The following LMNTD2 variants were observed in gnomAD, a reference collection of about 807,000 sequenced individuals.
The protein encoded by LMNTD2 is lamin tail domain containing 2, also known as lamin tail domain-containing protein 2.
LMNTD2 carries 83 observed loss-of-function variants against 70.1 expected under a neutral mutation model. That is an observed-to-expected ratio of 1.18 (90% CI 0.99 to 1.42). The LOEUF (loss-of-function observed/expected upper bound fraction) is 1.42, where lower values mean the gene tolerates loss of function less well. Ranked by LOEUF, LMNTD2 falls within the 40% of genes most tolerant of loss-of-function variation. LMNTD2 has a pLI of 0.00. For missense variants in LMNTD2, 1,153 were observed against 905.9 expected (o/e 1.27, Z -3.50); for synonymous variants, 534 against 406.1 (o/e 1.31, Z -3.79).
At chr11:560,636 A>G (rs1052247031) in intron 1 of LMNTD2, 47 bp downstream of exon 1, 70 of 1,355,918 alleles carry the variant, frequency 5.2e-5, no homozygotes, top group Non-Finnish European at 6.7e-5. Context: ...CCGCCACACT[A>G]GAAGGCTGCT....
At position 555,301 on chromosome 11, in the gene LMNTD2, T is replaced by G; in HGVS notation, c.1773+4A>C. The stretch of plus-strand genomic sequence containing the variant: ...AGGGGGCGCACCCGCAAGCGCGCAC[T>G]CACCCGAACTCGGTGTTCTTTCTGG... On this transcript the variant is annotated splice_donor_region_variant and intron_variant, in intron 13 of 13. Coordinates refer to ENST00000329451, the MANE Select transcript of LMNTD2 (RefSeq NM_173573.3). 1 of 1,404,176 alleles carries G rather than the reference T, an allele frequency of 7.1e-7. No homozygotes were observed. Among genetic ancestry groups the G allele is most frequent in the South Asian group, 1.6e-5 (1 of 61,206 alleles). 87.0% of individuals were successfully genotyped at this position (1,404,176 alleles called of 1,614,324 possible). A position where few individuals can be genotyped will look rare whatever the true frequency, so the allele number is the denominator to read the frequency against.
At position 556,601 on chromosome 11, in the gene LMNTD2, G is replaced by A; in HGVS notation, c.977-13C>T. On this transcript the variant is annotated splice_polypyrimidine_tract_variant and intron_variant, in intron 8 of 13. Coordinates refer to ENST00000329451, the MANE Select transcript of LMNTD2 (RefSeq NM_173573.3). Reference sequence around the variant, plus strand: ...GTTTTCTGGAGATCTAGAGAGAGCAGCGCTTTTGGGGAGGGGACCCTCGAA... The same window carrying A: ...GTTTTCTGGAGATCTAGAGAGAGCAACGCTTTTGGGGAGGGGACCCTCGAA... 6.6e-7 allele frequency: 1 copy of A among 1,506,766 alleles called. No homozygotes were observed. The highest frequency in any genetic ancestry group is 8.9e-7 in the Non-Finnish European group (1 of 1,127,466). 93.3% of individuals were successfully genotyped at this position (1,506,766 alleles called of 1,614,324 possible). A position where few individuals can be genotyped will look rare whatever the true frequency, so the allele number is the denominator to read the frequency against.
In LMNTD2 at chr11:555,768, C is replaced by A; in HGVS notation, c.1540G>T (p.Val514Leu). ...CGGCGACTGACCCGGGGCTCCCGCA[C>A]CCGGCCTTTGCGCAGGGGTCGAGGT... ...RPPRPLRKGR[V>L]REPRVSRRRP... The change falls in exon 12 of 14, where the codon GTG becomes TTG. Residue 514 changes from valine to leucine, a missense_variant. Transcript: ENST00000329451. The A allele has an allele frequency of 1.4e-6, 2 of 1,461,754 alleles. No homozygotes were observed. Among genetic ancestry groups the A allele is most frequent in the Non-Finnish European group, 1.8e-6 (2 of 1,119,978 alleles). The allele number at this position is 1,461,754 out of a possible 1,614,324, so 90.5% of individuals were successfully genotyped here.
At position 555,127 on chromosome 11, in the gene LMNTD2, G is replaced by T; in HGVS notation, c.1774-16C>A. On this transcript the variant is annotated splice_polypyrimidine_tract_variant and intron_variant, in intron 13 of 13. Transcript: ENST00000329451. ...TCCGGCACACCTGGGGGGCGCGGGG[G>T]CTGAGAGGCGCGCGGGGCGGGGCGG... 1 of 1,359,932 alleles carries T rather than the reference G, an allele frequency of 7.4e-7. No individual in the cohort carries two copies. Among genetic ancestry groups the T allele is most frequent in the Non-Finnish European group, 9.6e-7 (1 of 1,041,950 alleles). 84.2% of individuals were successfully genotyped at this position (1,359,932 alleles called of 1,614,324 possible). A position where few individuals can be genotyped will look rare whatever the true frequency, so the allele number is the denominator to read the frequency against.
In LMNTD2 at chr11:556,529, T is replaced by C. The variant is rs745742960; in HGVS notation, c.1036A>G (p.Thr346Ala). Residue 346 changes from threonine to alanine, a missense_variant, in exon 9 of 14, where the codon ACA becomes GCA. Physicochemically the swap from Thr to Ala is moderately conservative, Grantham distance 58. Transcript: ENST00000329451. ...TCCGGGCTCCAGTGGTCCGGGTCTGTGCAGGGCTGGGGCGACAGGACCGGC... is the reference window on the plus strand; with the variant it reads ...TCCGGGCTCCAGTGGTCCGGGTCTGCGCAGGGCTGGGGCGACAGGACCGGC... ...GEPVLSPQPC[T>A]DPDHWSPELL... 1.9e-6 allele frequency: 3 copies of C among 1,561,080 alleles called. No homozygotes were observed. In the Admixed American group the frequency reaches 5.7e-5, roughly 30 times the overall value.
In LMNTD2 at chr11:555,743, C is replaced by T; in HGVS notation, c.1565G>A (p.Arg522Gln). 7.1e-7 allele frequency: 1 copy of T among 1,409,204 alleles called. No individual in the cohort carries two copies. Among genetic ancestry groups the T allele is most frequent in the South Asian group, 1.5e-5 (1 of 64,550 alleles). 87.3% of individuals were successfully genotyped at this position (1,409,204 alleles called of 1,614,324 possible). ...GACCCGCGGTCCCCACCCTGGTCTC[C>T]GGCGACTGACCCGGGGCTCCCGCAC... Reference protein sequence around the residue: ...GRVREPRVSRRRPGTRGLLPP... With the variant: ...GRVREPRVSRQRPGTRGLLPP... The change falls in exon 12 of 14, where the codon CGG becomes CAG. Residue 522 changes from arginine (R) to glutamine (Q), a missense_variant. Physicochemically the swap from Arg to Gln is conservative, Grantham distance 43. Coordinates refer to ENST00000329451, the MANE Select transcript of LMNTD2 (RefSeq NM_173573.3).
intron 13 of LMNTD2, 29 bp from the exon 14 acceptor site, chr11:555,140 C>CG: frequency 2.7e-6 from 1 of 369,880 alleles, no homozygotes; most frequent in Non-Finnish European, 3.7e-6. Flanking sequence ...GAGAGGCGCG[C>CG]GGGGCGGGGC....
Position 557,925 on chromosome 11 carries a change from A to G in LMNTD2, c.514T>C (p.Trp172Arg). Reference protein sequence around the residue: ...SCLLQLARSSWVGRMLRSQTG... With the variant: ...SCLLQLARSSRVGRMLRSQTG... Reference sequence around the variant, plus strand: ...TGGGATCGTAGCATGCGGCCCACCCACGAGGAGCGGGCCAGCTGCAGGAGG... The same window carrying G: ...TGGGATCGTAGCATGCGGCCCACCCGCGAGGAGCGGGCCAGCTGCAGGAGG... The change falls in exon 5 of 14, where the codon TGG becomes CGG. Residue 172 changes from tryptophan (W) to arginine (R), a missense_variant. Trp to Arg is a moderately radical substitution (Grantham distance 101). Coordinates refer to ENST00000329451, the MANE Select transcript of LMNTD2 (RefSeq NM_173573.3). 6.3e-7 allele frequency: 1 copy of G among 1,589,378 alleles called. No homozygotes were observed. Among genetic ancestry groups the G allele is most frequent in the Non-Finnish European group, 8.6e-7 (1 of 1,168,148 alleles).
Position 558,976 on chromosome 11 carries a change from T to C in LMNTD2, c.38A>G (p.Gln13Arg). 6.2e-7 allele frequency: 1 copy of C among 1,600,600 alleles called. No homozygotes were observed. The highest frequency in any genetic ancestry group is 8.5e-7 in the Non-Finnish European group (1 of 1,179,572). ...TCCCAGGTGACCACTGACCGACTCT[T>C]GCTCTGTGGGGGACAGGAGAGCCTC... The part of the protein sequence containing the change: ...WLRPAGRRRE[Q>R]ESVSGHLGPP... Residue 13 changes from glutamine to arginine, a missense_variant, in exon 2 of 14, where the codon CAA becomes CGA. Coordinates refer to ENST00000329451, the MANE Select transcript of LMNTD2 (RefSeq NM_173573.3).
Position 557,578 on chromosome 11 carries a change from G to C in LMNTD2, c.618C>G (p.Thr206=), listed in dbSNP as rs141302254. The C allele has an allele frequency of 3.1e-6, 5 of 1,613,392 alleles. No homozygotes were observed. The highest frequency in any genetic ancestry group is 2.2e-5 in the East Asian group (1 of 44,878). The part of the protein sequence containing the change: ...SDLSENIQAP[T]GEGFRLEDVD... ...CGTGGGAGGCCTAGCTCACCTCCCC[G>C]GTGGGGGCCTGAATGTTTTCAGAGA... Residue 206 remains threonine (T), a synonymous_variant, in exon 6 of 14, where the codon ACC becomes ACG. Coordinates refer to ENST00000329451, the MANE Select transcript of LMNTD2 (RefSeq NM_173573.3).
chr11:556,650 C>T, intron 8 of LMNTD2, 62 bp from the exon 9 acceptor site: 3 of 1,435,102 alleles, frequency 2.1e-6, no homozygotes, highest in East Asian at 2.5e-5. Flanking sequence ...GGATGTTCCC[C>T]GTGAGGTCAG....
Position 556,974 on chromosome 11 carries a change from C to G in LMNTD2, c.837G>C (p.Gly279=), listed in dbSNP as rs765262251. Residue 279 remains glycine (G), a synonymous_variant, in exon 8 of 14, where the codon GGG becomes GGC. Transcript: ENST00000329451. The part of the protein sequence containing the change: ...SLPCLNTSSS[G]GADSDSSSCR... Reference sequence around the variant, plus strand: ...AGCTGCTGGAGTCGGAGTCAGCGCCCCCTGAGCTGCTGGTGTTCAGACAGG... The same window carrying G: ...AGCTGCTGGAGTCGGAGTCAGCGCCGCCTGAGCTGCTGGTGTTCAGACAGG... The G allele has an allele frequency of 6.2e-7, 1 of 1,606,758 alleles. No homozygotes were observed. Among genetic ancestry groups the G allele is most frequent in the Non-Finnish European group, 8.5e-7 (1 of 1,179,024 alleles).
chr11:557,605 G>T lies in LMNTD2; in HGVS notation c.591C>A (p.Asp197Glu). 1 of 1,613,308 alleles carries T rather than the reference G, an allele frequency of 6.2e-7. No homozygotes were observed. Among genetic ancestry groups the T allele is most frequent in the Non-Finnish European group, 8.5e-7 (1 of 1,179,872 alleles). ...TGGGGGCCTGAATGTTTTCAGAGAG[G>T]TCGCTTGGGTCCATCAGAGTCTCTG... ...VTAETLMDPS[D>E]LSENIQAPTG... Residue 197 changes from aspartate (D) to glutamate (E), a missense_variant, in exon 6 of 14, where the codon GAC becomes GAA. Transcript: ENST00000329451.
At chr11:558,560 A>G (rs1417882197) in intron 3 of LMNTD2, 54 bp downstream of exon 3, 1 of 1,528,962 alleles carries the variant, frequency 6.5e-7, no homozygotes, top group African/African-American at 1.4e-5. Flanking sequence ...AGAAACCAGG[A>G]GTCCGGGCGA....
chr11:555,246 G>A lies in LMNTD2; in HGVS notation c.1773+59C>T, dbSNP rs967321499. The A allele has an allele frequency of 1.8e-5, 21 of 1,171,282 alleles. No individual in the cohort carries two copies. In the East Asian group the frequency reaches 2.3e-4, roughly 13 times the overall value. The allele number at this position is 1,171,282 out of a possible 1,614,324, so 72.6% of individuals were successfully genotyped here. On this transcript the variant is annotated intron_variant, in intron 13 of 13. Coordinates refer to ENST00000329451, the MANE Select transcript of LMNTD2 (RefSeq NM_173573.3). ...AGACAGAGGGGAGGGAGGGGCGGGAGAGGAGAGGAGGAGAACGAGGAGGGA... is the reference window on the plus strand; with the variant it reads ...AGACAGAGGGGAGGGAGGGGCGGGAAAGGAGAGGAGGAGAACGAGGAGGGA...
chr11:558,129 G>A (rs779469603), intron 4 of LMNTD2, 32 bp downstream of exon 4: 2 of 1,611,166 alleles, frequency 1.2e-6, no homozygotes, highest in East Asian at 2.2e-5. Flanking sequence ...CCAACACCAG[G>A]ACCCTGCCCA....
chr11:558,578 G>A, intron 3 of LMNTD2, 36 bp downstream of exon 3: 2 of 1,578,446 alleles, frequency 1.3e-6, no homozygotes, highest in East Asian at 2.3e-5. Flanking sequence ...CGAGGACAGG[G>A]CGGGGTTGGG....
chr11:556,601 G>T lies in LMNTD2; in HGVS notation c.977-13C>A. On this transcript the variant is annotated splice_polypyrimidine_tract_variant and intron_variant, in intron 8 of 13. Coordinates refer to ENST00000329451, the MANE Select transcript of LMNTD2 (RefSeq NM_173573.3). ...GTTTTCTGGAGATCTAGAGAGAGCA[G>T]CGCTTTTGGGGAGGGGACCCTCGAA... The T allele has an allele frequency of 6.6e-7, 1 of 1,506,766 alleles. No homozygotes were observed. 93.3% of individuals were successfully genotyped at this position (1,506,766 alleles called of 1,614,324 possible). A position where few individuals can be genotyped will look rare whatever the true frequency, so the allele number is the denominator to read the frequency against.
At chr11:559,162 T>A (rs2134107947) in intron 1 of LMNTD2, 183 bp from the exon 2 acceptor site, 1 of 1,464,340 alleles carries the variant, frequency 6.8e-7, no homozygotes. Context: ...CGTTGCTCTC[T>A]GAAGGGACCC....
Sources: gnomAD v4.1 joint callset for allele counts on GRCh38, gnomAD v4.1.1 for gene constraint, MANE v1.5 for transcripts, NCBI Gene and HGNC (gene_info 2026-07-23, HGNC 2026-07-21) for gene names.